SIRT1: variants seen among roughly 807,000 people sequenced by gnomAD.
The protein encoded by SIRT1 is sirtuin 1.
In SIRT1, 24 loss-of-function variants were observed where a neutral mutation model predicts 67.9. The observed-to-expected ratio is 0.35, with a 90% CI of 0.26 to 0.50. The LOEUF (loss-of-function observed/expected upper bound fraction) is 0.50. Among genes scored for constraint, SIRT1 ranks in the 20% least tolerant of loss-of-function variants. The pLI is 0.98. For missense variants in SIRT1, 873 were observed against 937.2 expected (o/e 0.93, Z 0.89); for synonymous variants, 378 against 350.7 (o/e 1.08, Z -0.87).
In SIRT1 at chr10:67,895,224, A is replaced by G. The variant is rs572661087; in HGVS notation, c.942+3670A>G. Among the ~76,000 whole-genome samples, 40 of 152,238 alleles carry G rather than the reference A, an allele frequency of 2.6e-4. No homozygotes were observed. The South Asian group carries it at 7.9e-3, about 30-fold the overall frequency. On this transcript the variant is annotated intron_variant, in intron 4 of 8. Transcript: ENST00000212015. ...CACCTGAGGTCAGGAGTTCAAGACC[A>G]GCCTGGCCAACACAGCAATACCCCG...
chr10:67,916,878 G>C lies in SIRT1; in HGVS notation c.*285G>C. ...CTTTCTTTTAAAGGTTCATTTGTAT[G>C]ATAAATTCATATGTGTATATATAAT... On this transcript the variant is annotated 3_prime_UTR_variant, in exon 9 of 9. Coordinates refer to ENST00000212015, the MANE Select transcript of SIRT1 (RefSeq NM_012238.5). 1 of 219,060 alleles carries C rather than the reference G, an allele frequency of 4.6e-6. No individual in the cohort carries two copies. The highest frequency in any genetic ancestry group is 1.6e-4 in the South Asian group (1 of 6,242). 13.6% of individuals were successfully genotyped at this position (219,060 alleles called of 1,614,324 possible). A position where few individuals can be genotyped will look rare whatever the true frequency, so the allele number is the denominator to read the frequency against.
chr10:67,905,548 G>T (rs1462391650), intron 4 of SIRT1, among the ~76,000 whole-genome samples: 1 of 152,172 alleles, frequency 6.6e-6, no homozygotes, highest in Non-Finnish European at 1.5e-5. Context: ...GTAGAACCTA[G>T]AAGTTGCAGT....
rs7087091 is a variant in SIRT1, at chr10:67,903,304, T to C, written c.943-3486T>C. ...GCATTTACACCTATGCCTTTTACTC[T>C]AGGGTCTTTTATTCATATTGCTAGA... On this transcript the variant is annotated intron_variant, in intron 4 of 8. Transcript: ENST00000212015. Among the ~76,000 whole-genome samples, 926 of 152,178 alleles carry C rather than the reference T, an allele frequency of 6.1e-3. 13 individuals are homozygous for C. The highest frequency in any genetic ancestry group is 0.021 in the African/African-American group (860 of 41,518).
chr10:67,889,228 T>A (rs1842531937), intron 3 of SIRT1, 105 bp downstream of exon 3: 2 of 1,315,256 alleles, frequency 1.5e-6, no homozygotes, highest in Non-Finnish European at 2.0e-6. Flanking sequence ...TACATGATAA[T>A]GGATGTTTGG....
At chr10:67,905,120 A>G (rs932659239) in intron 4 of SIRT1, among the ~76,000 whole-genome samples, 3 of 152,170 alleles carry the variant, frequency 2.0e-5, no homozygotes, top group African/African-American at 4.8e-5. Context: ...TCACTTGCTT[A>G]CTATTATAGG....
chr10:67,900,690 T>A (rs962019860), intron 4 of SIRT1, among the ~76,000 whole-genome samples: 5 of 152,116 alleles, frequency 3.3e-5, no homozygotes, highest in Admixed American at 3.3e-4. Flanking sequence ...GTGATTCTGC[T>A]GCCTCAGCTA....
rs1842572027 is a variant in SIRT1, at chr10:67,891,422, A to C, written c.810A>C (p.Ile270=). ...TTTAGGTGTCTGTTTCATGTGGAAT[A>C]CCTGACTTCAGGTCAAGGGATGGTA... ...TGAGVSVSCG[I]PDFRSRDGIY... Residue 270 remains isoleucine (I), a synonymous_variant, in exon 4 of 9, where the codon ATA becomes ATC. Coordinates refer to ENST00000212015, the MANE Select transcript of SIRT1 (RefSeq NM_012238.5). 6.2e-7 allele frequency: 1 copy of C among 1,614,048 alleles called. No individual in the cohort carries two copies. The highest frequency in any genetic ancestry group is 8.5e-7 in the Non-Finnish European group (1 of 1,179,960).
At chr10:67,906,055 A>C in intron 4 of SIRT1, 1 of 966,194 alleles carries the variant, frequency 1.0e-6, no homozygotes, top group Non-Finnish European at 1.4e-6. Context: ...ATAGTCACTT[A>C]CTAAATGGAA....
intron 4 of SIRT1, among the ~76,000 whole-genome samples, chr10:67,897,029 A>G (rs1304512945): frequency 1.3e-5 from 2 of 151,696 alleles, no homozygotes; most frequent in East Asian, 2.0e-4. Context: ...GGTGGTGCAC[A>G]CCTGTAATTC....
At chr10:67,903,458 CA>C (rs1347594342) in intron 4 of SIRT1, among the ~76,000 whole-genome samples, 1 of 151,294 alleles carries the variant, frequency 6.6e-6, no homozygotes, top group Non-Finnish European at 1.5e-5. Context: ...GATCTAGGCT[CA>C]CTACAAGCTC....
At position 67,912,533 on chromosome 10, in the gene SIRT1, C is replaced by T. The variant is rs751498023; in HGVS notation, c.1417C>T (p.His473Tyr). 31 of 1,613,930 alleles carry T rather than the reference C, an allele frequency of 1.9e-5. No homozygotes were observed. The Admixed American group carries it at 4.8e-4, about 25-fold the overall frequency. ...TAATAGAGAACCTTTGCCTCATCTG[C>T]ATTTTGATGTAGAGCTTCTTGGAGA... ...LINREPLPHLHFDVELLGDCD... is the reference protein window; with the variant it reads ...LINREPLPHLYFDVELLGDCD... Residue 473 changes from histidine to tyrosine, a missense_variant, in exon 8 of 9, where the codon CAT becomes TAT. By Grantham distance (83) the His-to-Tyr change is moderately conservative. This residue lies in a region of SIRT1 where 251 missense variants were observed against 358.8 expected (regional missense o/e 0.70). Transcript: ENST00000212015.
At chr10:67,891,297 A>C in intron 3 of SIRT1, 105 bp from the exon 4 acceptor site, 6 of 951,134 alleles carry the variant, frequency 6.3e-6, no homozygotes, top group South Asian at 1.8e-5. Context: ...GTTTCAGACT[A>C]AAATTTTCTT....
At chr10:67,897,290 GTT>G (rs113438030) in intron 4 of SIRT1, among the ~76,000 whole-genome samples, 28 of 141,946 alleles carry the variant, frequency 2.0e-4, no homozygotes, top group Middle Eastern at 3.6e-3. Flanking sequence ...ACTGTATTTT[GTT>G]TTTTTTTTTT....
intron 1 of SIRT1, among the ~76,000 whole-genome samples, chr10:67,885,729 A>G (rs2131843348): frequency 6.6e-6 from 1 of 152,232 alleles, no homozygotes; most frequent in East Asian, 1.9e-4. Context: ...TCCTGAAGAC[A>G]TTACCATTCT....
At chr10:67,899,615 ATAT>A (rs1412629413) in intron 4 of SIRT1, among the ~76,000 whole-genome samples, 8 of 152,072 alleles carry the variant, frequency 5.3e-5, no homozygotes, top group Admixed American at 3.9e-4. Flanking sequence ...TCACCATATA[ATAT>A]TCTTGAGAAT....
intron 4 of SIRT1, among the ~76,000 whole-genome samples, chr10:67,903,472 C>T (rs1842773767): frequency 6.6e-6 from 1 of 151,722 alleles, no homozygotes; most frequent in African/African-American, 2.4e-5. Context: ...ACAAGCTCCA[C>T]CTCCTGGGTT....
intron 2 of SIRT1, 103 bp downstream of exon 2, chr10:67,887,636 G>C (rs1842505810): frequency 2.8e-6 from 2 of 705,876 alleles, no homozygotes; most frequent in Non-Finnish European, 4.8e-6. Flanking sequence ...GAGTGCAATG[G>C]CGCGATCTCG....
intron 8 of SIRT1, among the ~76,000 whole-genome samples, chr10:67,914,350 G>A (rs921668535): frequency 6.6e-6 from 1 of 152,106 alleles, no homozygotes; most frequent in Non-Finnish European, 1.5e-5. Flanking sequence ...AATTACAGGC[G>A]TGAGCCACGG....
At chr10:67,911,536 T>C (rs1425753621) in intron 7 of SIRT1, among the ~76,000 whole-genome samples, 3 of 152,032 alleles carry the variant, frequency 2.0e-5, no homozygotes, top group Non-Finnish European at 2.9e-5. Flanking sequence ...GATAGTATGA[T>C]GTGTTGCAAA....
Sources: allele counts gnomAD v4.1 joint callset (sites outside exome capture counted in the v4.1 genomes callset), GRCh38; gene constraint gnomAD v4.1.1; regional missense constraint gnomAD v4.1.1; transcripts MANE v1.5; gene names NCBI Gene and HGNC (gene_info 2026-07-23, HGNC 2026-07-21).